Variants in FAM107B observed in about 807,000 individuals in gnomAD.
FAM107B encodes the protein family with sequence similarity 107 member B.
FAM107B carries 21 observed loss-of-function variants against 31.5 expected under a neutral mutation model. The ratio of observed to expected loss-of-function variants is 0.67; its 90% CI spans 0.47 to 0.96. The LOEUF is 0.96. FAM107B is among the 40% of genes least tolerant of loss of function. The pLI is 0.00. For missense variants in FAM107B, 452 were observed against 377.1 expected, an observed-to-expected ratio of 1.20 and a Z score of -1.64; for synonymous variants, 157 against 141.5, an observed-to-expected ratio of 1.11 and a Z score of -0.78.
chr10:14,571,933 T>C, intron 2 of FAM107B: 6 of 985,396 alleles, frequency 6.1e-6, no homozygotes, highest in Non-Finnish European at 7.2e-6. Context: ...CCTCAGTAGA[T>C]ATAGGCAGGC....
chr10:14,622,248 G>A (rs1277041437), intron 2 of FAM107B, among the ~76,000 whole-genome samples: 1 of 152,008 alleles, frequency 6.6e-6, no homozygotes. Context: ...GACAGACATT[G>A]GAGCAAACAT....
intron 2 of FAM107B, among the ~76,000 whole-genome samples, chr10:14,605,539 G>A (rs1852567207): frequency 6.6e-6 from 1 of 152,110 alleles, no homozygotes; most frequent in Non-Finnish European, 1.5e-5. Flanking sequence ...TACGGATTTT[G>A]GTAAACAAAT....
At chr10:14,656,865 C>T (rs1331406855) in intron 2 of FAM107B, among the ~76,000 whole-genome samples, 1 of 152,204 alleles carries the variant, frequency 6.6e-6, no homozygotes, top group Non-Finnish European at 1.5e-5. Context: ...ACTGGTTCAC[C>T]TTACAACCTG....
intron 2 of FAM107B, chr10:14,556,487 A>C (rs1010789019): frequency 1.1e-6 from 1 of 889,990 alleles, no homozygotes; most frequent in Non-Finnish European, 1.3e-6. Context: ...TCAAGCCCCG[A>C]CCTAACGAGA....
At position 14,744,536 on chromosome 10, in the gene FAM107B, T is replaced by C. The variant is rs185436941; in HGVS notation, c.411+29717A>G. Among the ~76,000 whole-genome samples the C allele has an allele frequency of 3.3e-5, 5 of 152,342 alleles. No individual in the cohort carries two copies. The East Asian group carries it at 9.6e-4, about 29-fold the overall frequency. The stretch of plus-strand genomic sequence containing the variant: ...GTATGTCCCATCAATACCTAGTTTA[T>C]TGAGAGTTTTTAACATGAAGAGATG... On this transcript the variant is annotated intron_variant, in intron 1 of 4. Transcript: ENST00000181796.
At chr10:14,759,621 T>C (rs1442182652) in intron 1 of FAM107B, among the ~76,000 whole-genome samples, 1 of 152,238 alleles carries the variant, frequency 6.6e-6, no homozygotes, top group African/African-American at 2.4e-5. Flanking sequence ...GCCTGGCACC[T>C]AGAGGGCATT....
At chr10:14,526,679 G>A (rs1393422470) in intron 3 of FAM107B, among the ~76,000 whole-genome samples, 1 of 152,170 alleles carries the variant, frequency 6.6e-6, no homozygotes, top group East Asian at 1.9e-4. Context: ...CATGCCAAAA[G>A]AATGTCAGCT....
intron 1 of FAM107B, among the ~76,000 whole-genome samples, chr10:14,763,470 A>C (rs947378803): frequency 1.3e-5 from 2 of 152,158 alleles, no homozygotes; most frequent in African/African-American, 4.8e-5. Flanking sequence ...TAATTGTTAG[A>C]GGCTACCAAT....
intron 1 of FAM107B, among the ~76,000 whole-genome samples, chr10:14,678,823 G>A (rs2131491327): frequency 6.6e-6 from 1 of 152,330 alleles, no homozygotes; most frequent in Middle Eastern, 3.4e-3. Flanking sequence ...GTGAGTCCCT[G>A]GTGAATACAG....
chr10:14,737,008 C>T (rs1302468893), intron 1 of FAM107B, among the ~76,000 whole-genome samples: 3 of 151,858 alleles, frequency 2.0e-5, no homozygotes, highest in African/African-American at 4.8e-5. Context: ...CTGAGGAAGG[C>T]GGGGAGTATG....
chr10:14,772,088 G>T (rs1362897236), intron 1 of FAM107B, among the ~76,000 whole-genome samples: 2 of 152,154 alleles, frequency 1.3e-5, no homozygotes, highest in Non-Finnish European at 2.9e-5. Flanking sequence ...GGGCATGGTG[G>T]CTCACTCCTG....
At chr10:14,593,269 T>A (rs1054868359) in intron 2 of FAM107B, among the ~76,000 whole-genome samples, 2 of 152,180 alleles carry the variant, frequency 1.3e-5, no homozygotes, top group African/African-American at 2.4e-5. Context: ...GAGAAAAACA[T>A]ACTAAACGTG....
At chr10:14,633,308 A>G (rs1165419893) in intron 2 of FAM107B, among the ~76,000 whole-genome samples, 4 of 151,288 alleles carry the variant, frequency 2.6e-5, no homozygotes, top group Non-Finnish European at 5.9e-5. Context: ...TAACTAATGA[A>G]AAAGAGAATC....
chr10:14,702,434 C>T (rs1174068734), intron 1 of FAM107B, among the ~76,000 whole-genome samples: 1 of 152,178 alleles, frequency 6.6e-6, no homozygotes, highest in Non-Finnish European at 1.5e-5. Context: ...GCTCACTCCA[C>T]CTCCTGAGTT....
intron 2 of FAM107B, among the ~76,000 whole-genome samples, chr10:14,606,103 T>G (rs983968683): frequency 2.6e-5 from 4 of 152,094 alleles, no homozygotes; most frequent in Admixed American, 2.6e-4. Flanking sequence ...TGCTACATGA[T>G]CAAGTCGAAG....
chr10:14,569,929 G>A lies in FAM107B; in HGVS notation c.470-39414C>T, dbSNP rs187146792. 3.3e-3 allele frequency among the ~76,000 whole-genome samples: 500 copies of A among 152,244 alleles called. 6 individuals are homozygous for A. The highest frequency in any genetic ancestry group is 0.011 in the African/African-American group (477 of 41,540). ...AGGCTGGGCGAGCCCAGAGGTTCCC[G>A]GAAACCAGAAACTAGGGCAGAAACA... On this transcript the variant is annotated intron_variant, in intron 2 of 4. Transcript: ENST00000181796.
At chr10:14,530,583 C>T in intron 2 of FAM107B, 68 bp from the exon 3 acceptor site, 2 of 1,463,558 alleles carry the variant, frequency 1.4e-6, no homozygotes, top group Admixed American at 1.8e-5. Context: ...CATGCAGAGG[C>T]CCACAGAGCT....
chr10:14,678,344 G>A (rs1245672415), intron 1 of FAM107B, among the ~76,000 whole-genome samples: 1 of 152,068 alleles, frequency 6.6e-6, no homozygotes, highest in Non-Finnish European at 1.5e-5. Context: ...TCTGTCCATT[G>A]AACACTAAGA....
intron 2 of FAM107B, among the ~76,000 whole-genome samples, chr10:14,631,025 T>C (rs978966722): frequency 1.3e-5 from 2 of 152,150 alleles, no homozygotes; most frequent in African/African-American, 4.8e-5. Flanking sequence ...AGTGAAACAA[T>C]GAATGAAAAG....
Sources: gnomAD v4.1 joint callset for allele counts (sites outside exome capture counted in the v4.1 genomes callset) on GRCh38, gnomAD v4.1.1 for gene constraint, MANE v1.5 for transcripts, NCBI Gene and HGNC (gene_info 2026-07-23, HGNC 2026-07-21) for gene names.